NSMCE1: variants seen among roughly 807,000 people sequenced by gnomAD.
NSMCE1 encodes non-structural maintenance of chromosomes element 1 homolog.
In NSMCE1, 18 loss-of-function variants were observed where a neutral mutation model predicts 29.6. That is an observed-to-expected ratio of 0.61 (90% CI 0.42 to 0.90). The LOEUF is 0.90. Among genes scored for constraint, NSMCE1 ranks in the 40% least tolerant of loss-of-function variants. NSMCE1 has a pLI of 0.00. For synonymous variants in NSMCE1, 124 were observed against 133.4 expected, an observed-to-expected ratio of 0.93 and a Z score of 0.49; for missense variants, 314 against 343.6, an observed-to-expected ratio of 0.91 and a Z score of 0.68.
chr16:27,233,034 C>T lies in NSMCE1; in HGVS notation c.450G>A (p.Leu150=), dbSNP rs1282484834. ...GCCACTTGTTTTGAACAAACTTCTG[C>T]AGCACCTGCTCCGCTTCCTTCTTCC... The part of the protein sequence containing the change: ...KMRKKEAEQV[L]QKFVQNKWLI... Residue 150 remains leucine (L), a synonymous_variant, in exon 5 of 8, where the codon CTG becomes CTA. Coordinates refer to ENST00000361439, the MANE Select transcript of NSMCE1 (RefSeq NM_145080.4). 4 of 1,614,084 alleles carry T rather than the reference C, an allele frequency of 2.5e-6. No homozygotes were observed. Among genetic ancestry groups the T allele is most frequent in the African/African-American group, 1.3e-5 (1 of 74,944 alleles).
chr16:27,237,203 A>G (rs142426211), intron 2 of NSMCE1, among the ~76,000 whole-genome samples: 1 of 152,318 alleles, frequency 6.6e-6, no homozygotes, highest in East Asian at 1.9e-4. Context: ...TGGAACATGG[A>G]TGTGGTGAGA....
chr16:27,263,157 A>G (rs909386691), intron 1 of NSMCE1, among the ~76,000 whole-genome samples: 2 of 152,248 alleles, frequency 1.3e-5, no homozygotes, highest in African/African-American at 4.8e-5. Flanking sequence ...AAGAGCTAAA[A>G]GCAGAACTAC....
At chr16:27,258,364 C>T (rs1301705180) in intron 1 of NSMCE1, among the ~76,000 whole-genome samples, 1 of 152,260 alleles carries the variant, frequency 6.6e-6, no homozygotes, top group Non-Finnish European at 1.5e-5. Flanking sequence ...AAACAGGAAG[C>T]ACTGAGACCA....
At chr16:27,236,887 G>T (rs1261527345) in intron 2 of NSMCE1, among the ~76,000 whole-genome samples, 2 of 152,158 alleles carry the variant, frequency 1.3e-5, no homozygotes, top group Non-Finnish European at 2.9e-5. Context: ...CTGTATGTCT[G>T]TGTTTGATTT....
Position 27,226,829 on chromosome 16 carries a change from C to A in NSMCE1, c.491G>T (p.Gly164Val). 1 of 1,610,090 alleles carries A rather than the reference C, an allele frequency of 6.2e-7. No homozygotes were observed. The highest frequency in any genetic ancestry group is 2.2e-5 in the East Asian group (1 of 44,852). ...VQNKWLIEKE[G>V]EFTLHGRAIL... ...GGCCCGGCCGTGCAGGGTGAACTCC[C>A]CTTCCTTCTGCAGGGACACACAGGA... Residue 164 changes from glycine (G) to valine (V), a missense_variant, in exon 6 of 8, where the codon GGG (glycine) becomes GTG (valine). By Grantham distance (109) the Gly-to-Val change is moderately radical. Transcript: ENST00000361439.
intron 2 of NSMCE1, chr16:27,241,946 A>G (rs537848895): frequency 1.2e-4 from 46 of 389,604 alleles, no homozygotes; most frequent in South Asian, 7.8e-4. Flanking sequence ...TCTGGCCATT[A>G]GCTGGATGCA....
chr16:27,260,802 T>C (rs1342252977), intron 1 of NSMCE1, among the ~76,000 whole-genome samples: 2 of 139,580 alleles, frequency 1.4e-5, no homozygotes, highest in East Asian at 2.1e-4. Context: ...GAGGCTGCAG[T>C]GAACCGTGAT....
chr16:27,263,421 T>C (rs1274512118), intron 1 of NSMCE1, among the ~76,000 whole-genome samples: 1 of 152,206 alleles, frequency 6.6e-6, no homozygotes, highest in African/African-American at 2.4e-5. Flanking sequence ...GAGACTATTA[T>C]CCTCTGCAAG....
chr16:27,239,145 C>T (rs895012874), intron 2 of NSMCE1, among the ~76,000 whole-genome samples: 1 of 152,166 alleles, frequency 6.6e-6, no homozygotes, highest in Non-Finnish European at 1.5e-5. Flanking sequence ...TTTGGGATTA[C>T]AGGCGTGAGC....
chr16:27,229,237 C>A (rs1181754463), intron 5 of NSMCE1, among the ~76,000 whole-genome samples: 1 of 152,276 alleles, frequency 6.6e-6, no homozygotes, highest in Non-Finnish European at 1.5e-5. Flanking sequence ...AACTCCCACA[C>A]AGCCTTCAGC....
At chr16:27,259,372 C>A (rs1031970055) in intron 1 of NSMCE1, among the ~76,000 whole-genome samples, 1 of 152,138 alleles carries the variant, frequency 6.6e-6, no homozygotes, top group African/African-American at 2.4e-5. Context: ...TCACTAGGGC[C>A]ATTCCATGTC....
intron 1 of NSMCE1, chr16:27,266,623 A>G (rs985453394): frequency 3.7e-5 from 2 of 53,564 alleles, no homozygotes; most frequent in East Asian, 1.5e-3. Flanking sequence ...TCACAAAAAG[A>G]AAAAAAAAAT....
chr16:27,225,897 C>T (rs751585786), intron 6 of NSMCE1, 51 bp from the exon 7 acceptor site: 4 of 1,605,696 alleles, frequency 2.5e-6, no homozygotes, highest in Non-Finnish European at 3.4e-6. Flanking sequence ...CCTCCATGTT[C>T]TGCAAACCTC....
chr16:27,225,611 G>A (rs910984479), intron 7 of NSMCE1, 115 bp downstream of exon 7: 18 of 1,228,394 alleles, frequency 1.5e-5, no homozygotes, highest in Admixed American at 2.5e-5. Flanking sequence ...CTGCTAACAC[G>A]GACCCCCACA....
rs965293550 is a variant in NSMCE1 at position 27,225,599 on chromosome 16, A to G, written c.721+127T>C. The G allele has an allele frequency of 8.2e-6, 9 of 1,100,482 alleles. No individual in the cohort carries two copies. The African/African-American group carries it at 9.5e-5, about 12-fold the overall frequency. The allele number at this position is 1,100,482 out of a possible 1,614,324, so 68.2% of individuals were successfully genotyped here. ...CTGCAGTGGCTTCTTCTAGGATTCA[A>G]GCTGCTAACACGGACCCCCACACAC... On this transcript the variant is annotated intron_variant, in intron 7 of 7. Transcript: ENST00000361439.
At chr16:27,253,906 T>C (rs532817807) in intron 2 of NSMCE1, among the ~76,000 whole-genome samples, 1 of 152,250 alleles carries the variant, frequency 6.6e-6, no homozygotes, top group South Asian at 2.1e-4. Context: ...TCTAAACTCT[T>C]CACTAGCCAG....
intron 2 of NSMCE1, among the ~76,000 whole-genome samples, chr16:27,239,299 A>G (rs2083863699): frequency 6.6e-6 from 1 of 152,218 alleles, no homozygotes; most frequent in African/African-American, 2.4e-5. Context: ...CAGGACAGCT[A>G]ATGTCCACAG....
intron 3 of NSMCE1, among the ~76,000 whole-genome samples, chr16:27,234,532 G>C (rs760962105): frequency 1.3e-5 from 2 of 152,230 alleles, no homozygotes; most frequent in Non-Finnish European, 2.9e-5. Flanking sequence ...TGGGAGATTT[G>C]TCTGCATGTT....
rs370555949 is a variant in NSMCE1 at position 27,261,092 on chromosome 16, G to A, written c.-11-3511C>T. On this transcript the variant is annotated intron_variant, in intron 1 of 7. Coordinates refer to ENST00000361439, the MANE Select transcript of NSMCE1 (RefSeq NM_145080.4). ...TGAGGCATGAGAATCGCTGGAACAT[G>A]GGAGGCAGAGGTTGCAGCGAGCTGA... Among the ~76,000 whole-genome samples the A allele has an allele frequency of 5.3e-4, 80 of 150,662 alleles. 1 individual carries two copies. The highest frequency in any genetic ancestry group is 1.9e-3 in the African/African-American group (78 of 41,038).
Sources: gnomAD v4.1 joint callset for allele counts (sites outside exome capture counted in the v4.1 genomes callset) on GRCh38, gnomAD v4.1.1 for gene constraint, MANE v1.5 for transcripts, NCBI Gene and HGNC (gene_info 2026-07-23, HGNC 2026-07-21) for gene names.